Variants in WWOX observed in about 807,000 individuals in gnomAD.
The protein encoded by WWOX is WW domain-containing oxidoreductase.
WWOX carries 69 observed loss-of-function variants against 46.2 expected under a neutral mutation model. The ratio of observed to expected loss-of-function variants is 1.49; its 90% CI spans 1.23 to 1.82. WWOX has a LOEUF of 1.82. Among genes scored for constraint, WWOX ranks in the 40% most tolerant of loss-of-function variants. The pLI is 0.00. For missense variants in WWOX, 919 were observed against 542.6 expected, an observed-to-expected ratio of 1.69 and a Z score of -6.89; for synonymous variants, 359 against 202.6, an observed-to-expected ratio of 1.77 and a Z score of -6.56.
chr16:78,733,618 G>T (rs1597511110), intron 8 of WWOX, among the ~76,000 whole-genome samples: 1 of 151,896 alleles, frequency 6.6e-6, no homozygotes, highest in East Asian at 1.9e-4. Context: ...AGCCGGGTAT[G>T]GTGGTGTGTG....
intron 8 of WWOX, among the ~76,000 whole-genome samples, chr16:78,900,017 G>T (rs2044789434): frequency 1.3e-5 from 2 of 150,002 alleles, no homozygotes; most frequent in African/African-American, 2.5e-5. Flanking sequence ...CCCTCCTTGG[G>T]CTACCAAAAC....
chr16:78,568,831 G>C (rs967164801), intron 8 of WWOX, among the ~76,000 whole-genome samples: 8 of 152,188 alleles, frequency 5.3e-5, no homozygotes, highest in African/African-American at 9.7e-5. Flanking sequence ...ATTAATACTA[G>C]TGTGTGCAAG....
chr16:78,323,143 T>A (rs2080525496), intron 5 of WWOX, among the ~76,000 whole-genome samples: 1 of 152,204 alleles, frequency 6.6e-6, no homozygotes, highest in South Asian at 2.1e-4. Context: ...AGTCTTGCTC[T>A]GTTGCCCAGG....
rs1284165138 is a variant in WWOX, at chr16:78,501,629, T to C, written c.1056+68877T>C. 4.0e-5 allele frequency among the ~76,000 whole-genome samples: 6 copies of C among 151,874 alleles called. No homozygotes were observed. In the East Asian group the frequency reaches 9.7e-4, roughly 24 times the overall value. On this transcript the variant is annotated intron_variant, in intron 8 of 8. Coordinates refer to ENST00000566780, the MANE Select transcript of WWOX (RefSeq NM_016373.4). ...TTGGCTCACTGCAACCTCTGTCTCCTGGCTTCACGCCATTCTCCTGCCTCA... is the reference window on the plus strand; with the variant it reads ...TTGGCTCACTGCAACCTCTGTCTCCCGGCTTCACGCCATTCTCCTGCCTCA...
intron 5 of WWOX, among the ~76,000 whole-genome samples, chr16:78,336,637 A>T (rs1281748968): frequency 6.6e-6 from 1 of 151,948 alleles, no homozygotes; most frequent in Non-Finnish European, 1.5e-5. Context: ...TTTGGGAGGT[A>T]AGGACTTCTT....
chr16:78,751,461 T>TATATATATTTATCAGATTATATATA (rs1555528822), intron 8 of WWOX, among the ~76,000 whole-genome samples: 50 of 128,426 alleles, frequency 3.9e-4, no homozygotes, highest in African/African-American at 1.4e-3. Flanking sequence ...TTATCAGATT[T>TATATATATTTATCAGATTATATATA]TATATATATA....
At chr16:78,626,901 A>G (rs1053253763) in intron 8 of WWOX, among the ~76,000 whole-genome samples, 1 of 152,114 alleles carries the variant, frequency 6.6e-6, no homozygotes, top group African/African-American at 2.4e-5. Flanking sequence ...ATTTTTCCAG[A>G]TGGAACAATT....
At chr16:78,457,946 C>T (rs1273601887) in intron 8 of WWOX, among the ~76,000 whole-genome samples, 3 of 144,492 alleles carry the variant, frequency 2.1e-5, no homozygotes, top group African/African-American at 8.2e-5. Context: ...GGCGTAGTGG[C>T]AGGTGCCTGT....
chr16:78,173,685 G>A (rs1206127472), intron 5 of WWOX, among the ~76,000 whole-genome samples: 2 of 152,132 alleles, frequency 1.3e-5, no homozygotes, highest in Non-Finnish European at 2.9e-5. Flanking sequence ...TTCAGTAAAT[G>A]GTCGTTGCAG....
intron 8 of WWOX, among the ~76,000 whole-genome samples, chr16:79,031,679 A>T (rs1317296767): frequency 6.7e-6 from 1 of 149,446 alleles, no homozygotes; most frequent in East Asian, 1.9e-4. Flanking sequence ...ATCTTTTTTG[A>T]ATGGTTAAAT....
intron 5 of WWOX, among the ~76,000 whole-genome samples, chr16:78,307,621 G>A (rs1044328641): frequency 3.3e-5 from 5 of 152,116 alleles, no homozygotes; most frequent in Admixed American, 6.5e-5. Flanking sequence ...TTGATTTTGG[G>A]CTTTTGACGT....
At chr16:78,563,695 T>C (rs1567647148) in intron 8 of WWOX, among the ~76,000 whole-genome samples, 1 of 152,156 alleles carries the variant, frequency 6.6e-6, no homozygotes, top group Non-Finnish European at 1.5e-5. Flanking sequence ...TAATATCCCT[T>C]GTTATTAAGA....
chr16:78,898,729 G>A (rs758078324), intron 8 of WWOX: 3 of 152,044 alleles, frequency 2.0e-5, no homozygotes, highest in Non-Finnish European at 4.4e-5. Context: ...AAAGTGTTAA[G>A]CGTTACCATC....
rs144684396 is a variant in WWOX at position 78,221,029 on chromosome 16, A to T, written c.516+56740A>T. 6.8e-4 allele frequency among the ~76,000 whole-genome samples: 104 copies of T among 152,326 alleles called. 1 individual carries two copies. In the East Asian group the frequency reaches 0.02, roughly 29 times the overall value. Reference sequence around the variant, plus strand: ...TCATTTTCTCTTATCCAAATGTATCATATATCTTTAAGTAGGTGAATCTTG... The same window carrying T: ...TCATTTTCTCTTATCCAAATGTATCTTATATCTTTAAGTAGGTGAATCTTG... On this transcript the variant is annotated intron_variant, in intron 5 of 8. Coordinates refer to ENST00000566780, the MANE Select transcript of WWOX (RefSeq NM_016373.4).
intron 8 of WWOX, among the ~76,000 whole-genome samples, chr16:78,685,810 C>T (rs2047842015): frequency 6.6e-6 from 1 of 151,398 alleles, no homozygotes; most frequent in Admixed American, 6.6e-5. Flanking sequence ...ATCTCGGTCA[C>T]TGTTGAGAGC....
chr16:78,800,768 C>T (rs1030669047), intron 8 of WWOX, among the ~76,000 whole-genome samples: 2 of 152,164 alleles, frequency 1.3e-5, no homozygotes, highest in African/African-American at 4.8e-5. Flanking sequence ...GTCAGTGTGT[C>T]TGGGTCTGTG....
intron 8 of WWOX, among the ~76,000 whole-genome samples, chr16:78,627,889 C>A (rs887151842): frequency 3.3e-5 from 5 of 152,182 alleles, no homozygotes; most frequent in South Asian, 4.1e-4. Flanking sequence ...GCAAGAATCC[C>A]GTGGATTTGG....
At chr16:78,931,272 C>T (rs1393261294) in intron 8 of WWOX, among the ~76,000 whole-genome samples, 2 of 152,104 alleles carry the variant, frequency 1.3e-5, no homozygotes, top group African/African-American at 4.8e-5. Flanking sequence ...GGTCAGCATG[C>T]TCTAGGAATG....
chr16:78,575,662 G>C (rs1295875058), intron 8 of WWOX, among the ~76,000 whole-genome samples: 2 of 152,130 alleles, frequency 1.3e-5, no homozygotes, highest in Non-Finnish European at 2.9e-5. Context: ...AGTTTTGAAA[G>C]CCTAGCCTGA....
Sources: allele counts gnomAD v4.1 joint callset (sites outside exome capture counted in the v4.1 genomes callset), GRCh38; gene constraint gnomAD v4.1.1; transcripts MANE v1.5; gene names NCBI Gene and HGNC (gene_info 2026-07-23, HGNC 2026-07-21).